The following ACTR3 variants were observed in gnomAD, a reference collection of about 807,000 sequenced individuals.
ACTR3 encodes the protein actin related protein 3.
A neutral mutation model predicts 56.8 loss-of-function variants in ACTR3; 12 were observed. That is an observed-to-expected ratio of 0.21 (90% CI 0.14 to 0.34). ACTR3 has a LOEUF of 0.34. ACTR3 is among the 10% of genes least tolerant of loss of function. The pLI is 1.00. For synonymous variants in ACTR3, 162 were observed against 167.4 expected (o/e 0.97, Z 0.25); for missense variants, 282 against 512.5 (o/e 0.55, Z 4.34).
intron 1 of ACTR3, among the ~76,000 whole-genome samples, chr2:113,898,534 G>A (rs1431463458): frequency 6.6e-6 from 1 of 152,130 alleles, no homozygotes; most frequent in Non-Finnish European, 1.5e-5. Context: ...AGTAGTTTTA[G>A]TTGAAGCCTA....
chr2:113,933,894 A>C, intron 5 of ACTR3: 1 of 165,568 alleles, frequency 6.0e-6, no homozygotes, highest in Non-Finnish European at 1.3e-5. Flanking sequence ...GTTAGCCAGG[A>C]AGGTCTCGAT....
chr2:113,956,564 T>C (rs1301868140), intron 11 of ACTR3, among the ~76,000 whole-genome samples: 1 of 152,144 alleles, frequency 6.6e-6, no homozygotes, highest in Admixed American at 6.5e-5. Context: ...ATAGAAAGTA[T>C]GATGTTTTAC....
chr2:113,895,057 G>C (rs1431322666), intron 1 of ACTR3, among the ~76,000 whole-genome samples: 1 of 114,070 alleles, frequency 8.8e-6, no homozygotes, highest in African/African-American at 4.6e-5. Context: ...CTTGGTTTAG[G>C]TTCCCCCCCC....
chr2:113,912,030 G>A (rs973568626), intron 1 of ACTR3, among the ~76,000 whole-genome samples: 8 of 151,996 alleles, frequency 5.3e-5, no homozygotes, highest in Non-Finnish European at 8.8e-5. Flanking sequence ...ATGAGCCACT[G>A]CTCCCAGCCT....
intron 3 of ACTR3, among the ~76,000 whole-genome samples, chr2:113,918,212 T>A (rs1013104183): frequency 6.6e-6 from 1 of 152,200 alleles, no homozygotes; most frequent in African/African-American, 2.4e-5. Flanking sequence ...CCTAGAGGAA[T>A]AATTTTTGCA....
chr2:113,912,889 T>C (rs537472474), intron 1 of ACTR3, among the ~76,000 whole-genome samples: 48 of 143,112 alleles, frequency 3.4e-4, no homozygotes, highest in African/African-American at 1.4e-3. Context: ...TCCAGTCTTT[T>C]GCTGTTAGAA....
chr2:113,890,668 C>A, intron 1 of ACTR3: 1 of 1,186,202 alleles, frequency 8.4e-7, no homozygotes, highest in Non-Finnish European at 1.0e-6. Flanking sequence ...GGGCCCGACC[C>A]ATCCGGCTTT....
At position 113,959,432 on chromosome 2, in the gene ACTR3, A is replaced by C. The variant is rs1293189686; in HGVS notation, c.*1977A>C. 6.6e-6 allele frequency: 1 copy of C among 152,058 alleles called. No homozygotes were observed. Among genetic ancestry groups the C allele is most frequent in the East Asian group, 1.9e-4 (1 of 5,196 alleles). The allele number at this position is 152,058 out of a possible 1,614,324, so 9.4% of individuals were successfully genotyped here. ...CGGCGATGGTTGGGTAGTTAAGTGAATAAGCTAGAAAGACATGTTTATAAA... is the reference window on the plus strand; with the variant it reads ...CGGCGATGGTTGGGTAGTTAAGTGACTAAGCTAGAAAGACATGTTTATAAA... On this transcript the variant is annotated 3_prime_UTR_variant, in exon 12 of 12. Transcript: ENST00000263238.
intron 2 of ACTR3, among the ~76,000 whole-genome samples, chr2:113,915,446 T>C (rs1232419518): frequency 6.6e-6 from 1 of 152,238 alleles, no homozygotes; most frequent in Admixed American, 6.5e-5. Flanking sequence ...TCGTTTTAAC[T>C]GTGAAGACCC....
chr2:113,939,091 TCGACTCA>T (rs1679879734), intron 6 of ACTR3, among the ~76,000 whole-genome samples: 1 of 151,692 alleles, frequency 6.6e-6, no homozygotes, highest in African/African-American at 2.4e-5. Flanking sequence ...TGGTGCGATC[TCGACTCA>T]CTGCAAGCTC....
chr2:113,938,493 TG>T (rs1276593876), intron 6 of ACTR3, among the ~76,000 whole-genome samples: 2 of 152,230 alleles, frequency 1.3e-5, no homozygotes, highest in Non-Finnish European at 2.9e-5. Context: ...TCCTTTTAAA[TG>T]TTATTAAGCA....
chr2:113,938,390 T>C (rs1679866341), intron 6 of ACTR3, among the ~76,000 whole-genome samples: 1 of 152,186 alleles, frequency 6.6e-6, no homozygotes, highest in Non-Finnish European at 1.5e-5. Flanking sequence ...TACATTGTTG[T>C]GTATTGTATT....
At chr2:113,928,479 T>TCAC (rs1434408211) in intron 4 of ACTR3, among the ~76,000 whole-genome samples, 1 of 152,146 alleles carries the variant, frequency 6.6e-6, no homozygotes, top group East Asian at 1.9e-4. Context: ...TATCATAAAA[T>TCAC]CACCGGTCTG....
chr2:113,957,545 T>G lies in ACTR3; in HGVS notation c.*90T>G. The G allele has an allele frequency of 1.0e-6, 1 of 985,126 alleles. No homozygotes were observed. The highest frequency in any genetic ancestry group is 1.6e-6 in the Non-Finnish European group (1 of 627,480). 61.0% of individuals were successfully genotyped at this position (985,126 alleles called of 1,614,324 possible). ...TTGTCTGGATGGCTGGTTTTGAGGT[T>G]TTAAACCTGACTTGAAATAGTAACA... On this transcript the variant is annotated 3_prime_UTR_variant, in exon 12 of 12. Transcript: ENST00000263238.
intron 4 of ACTR3, among the ~76,000 whole-genome samples, chr2:113,927,959 C>G (rs544221326): frequency 6.6e-6 from 1 of 152,268 alleles, no homozygotes; most frequent in South Asian, 2.1e-4. Flanking sequence ...TCCCCGGAGG[C>G]AAACATTTTC....
intron 1 of ACTR3, among the ~76,000 whole-genome samples, chr2:113,900,245 C>G (rs1423240460): frequency 6.6e-6 from 1 of 152,016 alleles, no homozygotes; most frequent in African/African-American, 2.4e-5. Context: ...AGAACATTTT[C>G]ATGACCCCAA....
At chr2:113,944,209 G>T (rs1679975134) in intron 8 of ACTR3, among the ~76,000 whole-genome samples, 2 of 152,140 alleles carry the variant, frequency 1.3e-5, no homozygotes, top group Admixed American at 6.5e-5. Context: ...ATCTCAGTGA[G>T]AGGTGAAGGT....
intron 8 of ACTR3, among the ~76,000 whole-genome samples, chr2:113,948,016 G>T (rs1364096947): frequency 6.6e-6 from 1 of 151,854 alleles, no homozygotes; most frequent in East Asian, 1.9e-4. Flanking sequence ...AAAAACTAGG[G>T]GTGCCCTGCA....
At chr2:113,922,361 C>T (rs769769658) in intron 3 of ACTR3, among the ~76,000 whole-genome samples, 18 of 152,120 alleles carry the variant, frequency 1.2e-4, no homozygotes, top group African/African-American at 3.1e-4. Flanking sequence ...AATTGACATG[C>T]GGAATATCTT....
Sources: allele counts gnomAD v4.1 joint callset (sites outside exome capture counted in the v4.1 genomes callset), GRCh38; gene constraint gnomAD v4.1.1; transcripts MANE v1.5; gene names NCBI Gene and HGNC (gene_info 2026-07-23, HGNC 2026-07-21).